RNF115: variants seen among roughly 807,000 people sequenced by gnomAD.
The protein encoded by RNF115 is E3 ubiquitin-protein ligase RNF115.
RNF115 carries 31 observed loss-of-function variants against 39.2 expected under a neutral mutation model. That is an observed-to-expected ratio of 0.79 (90% CI 0.59 to 1.07). RNF115 has a LOEUF of 1.07. RNF115 is among the 50% of genes least tolerant of loss of function. The pLI is 0.00. For missense variants in RNF115, 384 were observed against 381.7 expected (o/e 1.01, Z -0.05); for synonymous variants, 124 against 131.0 (o/e 0.95, Z 0.37).
intron 1 of RNF115, among the ~76,000 whole-genome samples, chr1:145,807,996 T>C (rs1341001593): frequency 6.6e-6 from 1 of 152,192 alleles, no homozygotes; most frequent in African/African-American, 2.4e-5. Flanking sequence ...TCCAGTTCCA[T>C]CCATGTTGCT....
Position 145,823,931 on chromosome 1 carries a change from C to T in RNF115, c.-58G>A. 1 of 1,281,464 alleles carries T rather than the reference C, an allele frequency of 7.8e-7. No individual in the cohort carries two copies. The highest frequency in any genetic ancestry group is 1.0e-6 in the Non-Finnish European group (1 of 965,026). The allele number at this position is 1,281,464 out of a possible 1,614,324, so 79.4% of individuals were successfully genotyped here. On this transcript the variant is annotated 5_prime_UTR_variant, in exon 1 of 9. Coordinates refer to ENST00000582693, the MANE Select transcript of RNF115 (RefSeq NM_014455.4). ...AGCCGGCCCGTCCCTCGCCAGGCCG[C>T]TACCTCCCGAGCTGCAGTCGTCGCC...
At chr1:145,773,185 A>G (rs1184538734) in intron 3 of RNF115, 1 of 152,160 alleles carries the variant, frequency 6.6e-6, no homozygotes, top group Non-Finnish European at 1.5e-5. Flanking sequence ...GTTTTTGTCT[A>G]GTAATTCTAG....
chr1:145,746,688 C>A lies in RNF115; in HGVS notation c.*178G>T, dbSNP rs587608403. The A allele has an allele frequency of 1.9e-5, 12 of 616,514 alleles. No homozygotes were observed. Among genetic ancestry groups the A allele is most frequent in the African/African-American group, 5.5e-5 (3 of 54,166 alleles). The allele number at this position is 616,514 out of a possible 1,614,324, so 38.2% of individuals were successfully genotyped here. A position where few individuals can be genotyped will look rare whatever the true frequency, so the allele number is the denominator to read the frequency against. ...GATAAGAGGCATTTGGTTGTAGATA[C>A]AATTCCATCTGTAGATACTAACTTT... On this transcript the variant is annotated 3_prime_UTR_variant, in exon 9 of 9. Transcript: ENST00000582693.
At chr1:145,770,644 G>A (rs1287530043) in intron 4 of RNF115, among the ~76,000 whole-genome samples, 1 of 78,348 alleles carries the variant, frequency 1.3e-5, no homozygotes, top group East Asian at 3.9e-4. Context: ...ATCCACCAAC[G>A]GCTGTTACTT....
At chr1:145,776,020 A>T (rs1372757010) in intron 3 of RNF115, among the ~76,000 whole-genome samples, 1 of 150,976 alleles carries the variant, frequency 6.6e-6, no homozygotes, top group Non-Finnish European at 1.5e-5. Context: ...ATAAAAATAA[A>T]AATAAATAAA....
At chr1:145,764,056 G>A (rs1658643516) in intron 4 of RNF115, among the ~76,000 whole-genome samples, 2 of 152,302 alleles carry the variant, frequency 1.3e-5, no homozygotes, top group South Asian at 4.1e-4. Context: ...TGCTATTGCA[G>A]GCGCGCGCCA....
At chr1:145,788,051 T>C (rs1648475215) in intron 2 of RNF115, among the ~76,000 whole-genome samples, 1 of 152,134 alleles carries the variant, frequency 6.6e-6, no homozygotes, top group East Asian at 1.9e-4. Context: ...CATATATTAA[T>C]ATCACCCTGG....
rs782618550 is a variant in RNF115 at position 145,771,750 on chromosome 1, C to T, written c.389G>A (p.Arg130Gln). 4 of 1,614,052 alleles carry T rather than the reference C, an allele frequency of 2.5e-6. No homozygotes were observed. The highest frequency in any genetic ancestry group is 2.7e-5 in the African/African-American group (2 of 74,930). The change falls in exon 4 of 9, where the codon CGA (arginine) becomes CAA (glutamine). Residue 130 changes from arginine to glutamine, a missense_variant. Arg to Gln is a conservative substitution (Grantham distance 43). Transcript: ENST00000582693. ...AGATCTGTCAGGACGAGAACTTCCT[C>T]GAGATCTGTATCTCCGACCCAATGG... ...RLPLGRRYRS[R>Q]GSSRPDRSPA...
At chr1:145,806,621 C>T (rs1299875321) in intron 1 of RNF115, among the ~76,000 whole-genome samples, 1 of 152,084 alleles carries the variant, frequency 6.6e-6, no homozygotes, top group Non-Finnish European at 1.5e-5. Context: ...GCAGTCCTTA[C>T]AGGAATGAGT....
intron 1 of RNF115, among the ~76,000 whole-genome samples, chr1:145,803,387 C>CTTTA (rs1346229879): frequency 4.6e-5 from 7 of 151,920 alleles, no homozygotes; most frequent in African/African-American, 7.3e-5. Context: ...CATTCACAAC[C>CTTTA]TTTATTTATT....
At chr1:145,773,765 G>C (rs12725120) in intron 3 of RNF115, 1 of 151,134 alleles carries the variant, frequency 6.6e-6, no homozygotes, top group Non-Finnish European at 1.5e-5. Context: ...TTCCTCTCAG[G>C]CTTTCAATAT....
Position 145,823,849 on chromosome 1 carries a change from C to T in RNF115, c.25G>A (p.Ala9Thr). The T allele has an allele frequency of 1.3e-6, 2 of 1,565,284 alleles. No individual in the cohort carries two copies. The highest frequency in any genetic ancestry group is 1.7e-6 in the Non-Finnish European group (2 of 1,159,918). Residue 9 changes from alanine to threonine, a missense_variant, in exon 1 of 9, where the codon GCG becomes ACG. Coordinates refer to ENST00000582693, the MANE Select transcript of RNF115 (RefSeq NM_014455.4). ...GCGGCTACAGCGGCGCCCGAGTCCG[C>T]CCCGGCCGCCGAAGCCTCCGCCATT... is the stretch of plus-strand genomic sequence containing the variant. Reference protein sequence around the residue: MAEASAAGADSGAAVAAHR... With the variant: MAEASAAGTDSGAAVAAHR...
At chr1:145,766,353 TCTTAGTA>T (rs1223022296) in intron 4 of RNF115, among the ~76,000 whole-genome samples, 1 of 152,206 alleles carries the variant, frequency 6.6e-6, no homozygotes, top group Non-Finnish European at 1.5e-5. Context: ...GAAGAATTTT[TCTTAGTA>T]CAGAACAAAA....
chr1:145,779,354 T>C (rs1313446035), intron 3 of RNF115, among the ~76,000 whole-genome samples: 3 of 152,118 alleles, frequency 2.0e-5, no homozygotes, highest in African/African-American at 4.8e-5. Context: ...ATTTTTATTT[T>C]TGTAGACACA....
intron 7 of RNF115, among the ~76,000 whole-genome samples, chr1:145,748,995 C>T (rs1226711583): frequency 9.9e-5 from 15 of 152,186 alleles, no homozygotes; most frequent in Non-Finnish European, 2.9e-5. Context: ...AAGTCGAAGT[C>T]TAGCTCAGGT....
intron 3 of RNF115, among the ~76,000 whole-genome samples, chr1:145,776,078 G>C (rs1189278538): frequency 9.6e-6 from 1 of 104,590 alleles, no homozygotes; most frequent in Admixed American, 9.4e-5. Flanking sequence ...GGCCATGGTT[G>C]ACCACAGGGT....
chr1:145,748,189 C>A (rs1423462787), intron 7 of RNF115, 79 bp from the exon 8 acceptor site: 7 of 901,890 alleles, frequency 7.8e-6, no homozygotes, highest in South Asian at 1.4e-5. Context: ...CTCTACCAAC[C>A]CTACGAATGC....
At chr1:145,768,695 G>A (rs1425295523) in intron 4 of RNF115, among the ~76,000 whole-genome samples, 2 of 152,142 alleles carry the variant, frequency 1.3e-5, no homozygotes, top group Non-Finnish European at 2.9e-5. Context: ...AACCATAAGT[G>A]GAATGCCCAT....
chr1:145,807,405 A>G (rs1553721755), intron 1 of RNF115, among the ~76,000 whole-genome samples: 2 of 152,248 alleles, frequency 1.3e-5, no homozygotes, highest in Non-Finnish European at 2.9e-5. Context: ...TGCTAATATA[A>G]TATTAAAACA....
Sources: gnomAD v4.1 joint callset for allele counts (sites outside exome capture counted in the v4.1 genomes callset) on GRCh38, gnomAD v4.1.1 for gene constraint, MANE v1.5 for transcripts, NCBI Gene and HGNC (gene_info 2026-07-23, HGNC 2026-07-21) for gene names.